The following RABL2A variants were observed in gnomAD, a reference collection of about 807,000 sequenced individuals.
RABL2A encodes the protein RAB, member of RAS oncogene family like 2A.
RABL2A carries 17 observed loss-of-function variants against 30.7 expected under a neutral mutation model. The observed-to-expected ratio is 0.55, with a 90% CI of 0.38 to 0.83. The LOEUF is 0.83. Ranked by LOEUF, RABL2A falls within the 40% of genes least tolerant of loss-of-function variation. The pLI is 0.00. For synonymous variants in RABL2A, 64 were observed against 101.8 expected (o/e 0.63, Z 2.24); for missense variants, 155 against 272.6 (o/e 0.57, Z 3.04).
chr2:113,634,078 C>T, intron 3 of RABL2A, 75 bp from the exon 4 acceptor site: 1 of 1,539,952 alleles, frequency 6.5e-7, no homozygotes, highest in South Asian at 1.2e-5. Context: ...TCCATTTCAT[C>T]AAACCAAACA....
intron 2 of RABL2A, among the ~76,000 whole-genome samples, chr2:113,630,894 T>C (rs1680065698): frequency 6.6e-6 from 1 of 151,700 alleles, no homozygotes; most frequent in African/African-American, 2.4e-5. Context: ...ATGGTGTTTT[T>C]TTGTTTTTTT....
At chr2:113,641,692 G>C in intron 7 of RABL2A, 89 bp from the exon 8 acceptor site, 1 of 608,108 alleles carries the variant, frequency 1.6e-6, no homozygotes, top group Non-Finnish European at 2.9e-6. Flanking sequence ...TTTAGGAATG[G>C]AGTATTGTGT....
intron 5 of RABL2A, chr2:113,638,729 G>A (rs1164622405): frequency 2.4e-5 from 6 of 252,196 alleles, no homozygotes; most frequent in Non-Finnish European, 2.5e-5. Context: ...TTAGCCAGGC[G>A]TGGTGGCGCG....
At chr2:113,637,914 C>G (rs1446278098) in intron 5 of RABL2A, 7 of 985,288 alleles carry the variant, frequency 7.1e-6, no homozygotes, top group Non-Finnish European at 6.0e-6. Flanking sequence ...GTGCCTGCCA[C>G]CAGCCCCAGT....
In RABL2A at chr2:113,633,216, C is replaced by G. The variant is rs541243073; in HGVS notation, c.137+272C>G. On this transcript the variant is annotated intron_variant, in intron 3 of 8. Transcript: ENST00000683472. ...ATGGCAAACAGCAAATGGTTTGGAT[C>G]TAATGCCTGGATTCAAACCCCACCT... 392 of 562,804 alleles carry G rather than the reference C, an allele frequency of 7.0e-4. 6 individuals are homozygous for G. In the South Asian group the frequency reaches 7.0e-3, roughly 10 times the overall value. The allele number at this position is 562,804 out of a possible 1,614,324, so 34.9% of individuals were successfully genotyped here. A position where few individuals can be genotyped will look rare whatever the true frequency, so the allele number is the denominator to read the frequency against.
chr2:113,642,502 C>A lies in RABL2A; in HGVS notation c.*373C>A. ...TTGTTTTTGTTTTCTTTCCAAAGCT[C>A]ACCTCGGGGACAATTCCTTGGGCTT... On this transcript the variant is annotated 3_prime_UTR_variant, in exon 9 of 9. Coordinates refer to ENST00000683472, the MANE Select transcript of RABL2A (RefSeq NM_001306158.2). 1 of 312,230 alleles carries A rather than the reference C, an allele frequency of 3.2e-6. No individual in the cohort carries two copies. The highest frequency in any genetic ancestry group is 1.1e-3 in the Middle Eastern group (1 of 894). 19.3% of individuals were successfully genotyped at this position (312,230 alleles called of 1,614,324 possible). A position where few individuals can be genotyped will look rare whatever the true frequency, so the allele number is the denominator to read the frequency against.
rs1172430466 is a variant in RABL2A at position 113,640,962 on chromosome 2, C to T, written c.366C>T (p.Phe122=). ...CCTGGTATACAGAGCTTCGGGAGTT[C>T]AGGCCAGAGATCCCATGCATCGTGG... ...LSTWYTELRE[F]RPEIPCIVVA... Residue 122 remains phenylalanine (F), a synonymous_variant, in exon 6 of 9, where the codon TTC becomes TTT. Transcript: ENST00000683472. 1.2e-6 allele frequency: 2 copies of T among 1,613,762 alleles called. No individual in the cohort carries two copies. Among genetic ancestry groups the T allele is most frequent in the Admixed American group, 1.7e-5 (1 of 59,994 alleles).
intron 4 of RABL2A, chr2:113,634,719 T>C (rs887128977): frequency 2.5e-5 from 11 of 441,876 alleles, no homozygotes; most frequent in South Asian, 1.7e-4. Context: ...ACGTGAGAAG[T>C]TGGAATAGTT....
chr2:113,631,348 C>A (rs76903948), intron 2 of RABL2A, among the ~76,000 whole-genome samples: 2 of 151,828 alleles, frequency 1.3e-5, no homozygotes, highest in African/African-American at 4.8e-5. Flanking sequence ...AAAGGCACAC[C>A]CCCCCCACCC....
At position 113,637,877 on chromosome 2, in the gene RABL2A, C is replaced by T. The variant is rs1449684908; in HGVS notation, c.297+2747C>T. 8.8e-6 allele frequency: 11 copies of T among 1,244,946 alleles called. No individual in the cohort carries two copies. In the Admixed American group the frequency reaches 2.4e-4, roughly 27 times the overall value. The allele number at this position is 1,244,946 out of a possible 1,614,324, so 77.1% of individuals were successfully genotyped here. A position where few individuals can be genotyped will look rare whatever the true frequency, so the allele number is the denominator to read the frequency against. ...CCTCTTCTGAAGGCCTGGGGTGTCT[C>T]TCCTGCCACCATGCCTGTGTCTGCA... On this transcript the variant is annotated intron_variant, in intron 5 of 8. Coordinates refer to ENST00000683472, the MANE Select transcript of RABL2A (RefSeq NM_001306158.2).
intron 4 of RABL2A, 33 bp from the exon 5 acceptor site, chr2:113,635,018 A>G (rs887370394): frequency 6.2e-7 from 1 of 1,614,050 alleles, no homozygotes; most frequent in Non-Finnish European, 8.5e-7. Flanking sequence ...GAAATGCACC[A>G]GGCATGTAGG....
At position 113,642,286 on chromosome 2, in the gene RABL2A, G is replaced by A; in HGVS notation, c.*157G>A. 6.8e-7 allele frequency: 1 copy of A among 1,464,350 alleles called. No individual in the cohort carries two copies. Among genetic ancestry groups the A allele is most frequent in the East Asian group, 2.5e-5 (1 of 39,962 alleles). The allele number at this position is 1,464,350 out of a possible 1,614,324, so 90.7% of individuals were successfully genotyped here. Reference sequence around the variant, plus strand: ...TCCCACATTCAAGGCCCGTGATACAGGGATGAGGTCAGCACCAGCAAACTC... The same window carrying A: ...TCCCACATTCAAGGCCCGTGATACAAGGATGAGGTCAGCACCAGCAAACTC... On this transcript the variant is annotated 3_prime_UTR_variant, in exon 9 of 9. Coordinates refer to ENST00000683472, the MANE Select transcript of RABL2A (RefSeq NM_001306158.2).
At position 113,642,368 on chromosome 2, in the gene RABL2A, A is replaced by G; in HGVS notation, c.*239A>G. The stretch of plus-strand genomic sequence containing the variant: ...CCTTGAAGCAGAATTAGGGATCAGC[A>G]TCATTAACACCTTCCCCACCCCCTC... On this transcript the variant is annotated 3_prime_UTR_variant, in exon 9 of 9. Transcript: ENST00000683472. 1.0e-6 allele frequency: 1 copy of G among 977,230 alleles called. No homozygotes were observed. Among genetic ancestry groups the G allele is most frequent in the African/African-American group, 1.6e-5 (1 of 61,116 alleles). 60.5% of individuals were successfully genotyped at this position (977,230 alleles called of 1,614,324 possible).
chr2:113,641,985 G>A, intron 8 of RABL2A, 46 bp from the exon 9 acceptor site: 1 of 1,597,460 alleles, frequency 6.3e-7, no homozygotes, highest in Non-Finnish European at 8.5e-7. Context: ...CAGAGCTGCG[G>A]TTGAGCAAAT....
chr2:113,633,883 C>G (rs1488265221), intron 3 of RABL2A: 15 of 533,834 alleles, frequency 2.8e-5, no homozygotes, highest in Non-Finnish European at 4.4e-5. Flanking sequence ...TTTTATGACA[C>G]TTGTCTGTAA....
rs542834091 is a variant in RABL2A, at chr2:113,643,116, G to T, written c.*987G>T. The T allele has an allele frequency of 4.6e-5, 21 of 453,858 alleles. No homozygotes were observed. The highest frequency in any genetic ancestry group is 2.4e-4 in the African/African-American group (12 of 49,958). The allele number at this position is 453,858 out of a possible 1,614,324, so 28.1% of individuals were successfully genotyped here. On this transcript the variant is annotated 3_prime_UTR_variant, in exon 9 of 9. Transcript: ENST00000683472. ...TCCTTACAGCCATACCACAAGGTAC[G>T]TCCATTTGGACTACAAGAAGAGCTT...
At chr2:113,633,039 C>A (rs1024255395) in intron 3 of RABL2A, 95 bp downstream of exon 3, 1 of 1,586,580 alleles carries the variant, frequency 6.3e-7, no homozygotes, top group African/African-American at 1.4e-5. Context: ...ACCAGCAGCC[C>A]AGGAACAGGA....
At chr2:113,628,996 G>A (rs1350167794) in intron 2 of RABL2A, among the ~76,000 whole-genome samples, 3 of 151,612 alleles carry the variant, frequency 2.0e-5, no homozygotes, top group Admixed American at 1.3e-4. Flanking sequence ...TGGGCTGAGG[G>A]ATGGCAAGGG....
chr2:113,628,362 G>A (rs1678931806), intron 1 of RABL2A, 192 bp from the exon 2 acceptor site: 1 of 385,706 alleles, frequency 2.6e-6, no homozygotes, highest in South Asian at 2.6e-5. Context: ...GGGGTGCGCA[G>A]GACTTAACTA....
Sources: allele counts gnomAD v4.1 joint callset (sites outside exome capture counted in the v4.1 genomes callset), GRCh38; gene constraint gnomAD v4.1.1; transcripts MANE v1.5; gene names NCBI Gene and HGNC (gene_info 2026-07-23, HGNC 2026-07-21).